The following ATP9B variants were observed in gnomAD, a reference collection of about 807,000 sequenced individuals.
The protein encoded by ATP9B is probable phospholipid-transporting ATPase IIB.
Under a neutral mutation model 146.1 loss-of-function variants are expected in ATP9B, and 110 were observed. The ratio of observed to expected loss-of-function variants is 0.75; its 90% CI spans 0.65 to 0.88. The LOEUF (loss-of-function observed/expected upper bound fraction) is 0.88. ATP9B is among the 40% of genes least tolerant of loss of function. The pLI is 0.00. For missense variants in ATP9B, 1,499 were observed against 1,496.4 expected, an observed-to-expected ratio of 1.00 and a Z score of -0.03; for synonymous variants, 604 against 569.7, an observed-to-expected ratio of 1.06 and a Z score of -0.86.
chr18:79,339,446 G>C (rs957155768), intron 19 of ATP9B, among the ~76,000 whole-genome samples: 1 of 151,716 alleles, frequency 6.6e-6, no homozygotes, highest in South Asian at 2.1e-4. Context: ...CATCGCAGTA[G>C]GAAGTATGTC....
At chr18:79,302,913 C>T (rs773846346) in intron 13 of ATP9B, among the ~76,000 whole-genome samples, 7 of 152,086 alleles carry the variant, frequency 4.6e-5, no homozygotes, top group Non-Finnish European at 1.0e-4. Context: ...TGATGTCTTT[C>T]TCAGGCAGTG....
intron 9 of ATP9B, among the ~76,000 whole-genome samples, chr18:79,203,148 G>T (rs2095503512): frequency 6.6e-6 from 1 of 152,224 alleles, no homozygotes; most frequent in Non-Finnish European, 1.5e-5. Context: ...CCTCATACAG[G>T]TGGAAGGCTT....
chr18:79,174,899 C>T (rs2095137722), intron 7 of ATP9B, among the ~76,000 whole-genome samples: 1 of 152,026 alleles, frequency 6.6e-6, no homozygotes, highest in Non-Finnish European at 1.5e-5. Flanking sequence ...CTGATCTTCC[C>T]AGTGTAAAGT....
intron 7 of ATP9B, among the ~76,000 whole-genome samples, chr18:79,156,664 A>T (rs1454589099): frequency 6.6e-6 from 1 of 152,138 alleles, no homozygotes; most frequent in Non-Finnish European, 1.5e-5. Flanking sequence ...CTTCTTACTA[A>T]TTCTCTTTGC....
At chr18:79,347,041 C>T (rs1055428289) in intron 23 of ATP9B, among the ~76,000 whole-genome samples, 3 of 152,228 alleles carry the variant, frequency 2.0e-5, no homozygotes, top group African/African-American at 4.8e-5. Context: ...GGGCTCAGCT[C>T]AGATGTTAGC....
intron 1 of ATP9B, among the ~76,000 whole-genome samples, chr18:79,089,472 C>T (rs929677265): frequency 8.5e-5 from 13 of 152,138 alleles, no homozygotes; most frequent in Non-Finnish European, 1.8e-4. Context: ...TTGTGGCTCT[C>T]TTCAAGGTCT....
At chr18:79,170,436 C>G (rs1183762866) in intron 7 of ATP9B, among the ~76,000 whole-genome samples, 1 of 152,132 alleles carries the variant, frequency 6.6e-6, no homozygotes, top group African/African-American at 2.4e-5. Context: ...CAGTTACTTG[C>G]ATTATTTATC....
chr18:79,371,006 G>A (rs115957036), intron 26 of ATP9B, among the ~76,000 whole-genome samples: 376 of 152,274 alleles, frequency 2.5e-3, no homozygotes, highest in African/African-American at 8.8e-3. Context: ...AAATGTCCTT[G>A]GGAAATACGT....
chr18:79,137,073 G>A (rs2094456506), intron 5 of ATP9B, among the ~76,000 whole-genome samples: 1 of 152,182 alleles, frequency 6.6e-6, no homozygotes, highest in African/African-American at 2.4e-5. Flanking sequence ...TGGAGACACA[G>A]CCAAACCATA....
intron 15 of ATP9B, among the ~76,000 whole-genome samples, chr18:79,321,175 A>G (rs1429904477): frequency 6.6e-6 from 1 of 152,246 alleles, no homozygotes; most frequent in Non-Finnish European, 1.5e-5. Flanking sequence ...AGAGCTGCAG[A>G]GCATGAATTA....
intron 8 of ATP9B, among the ~76,000 whole-genome samples, chr18:79,189,973 G>A (rs549858617): frequency 3.3e-5 from 5 of 152,344 alleles, no homozygotes; most frequent in African/African-American, 7.2e-5. Context: ...GTCCTGGAGC[G>A]GAGACGGCTC....
chr18:79,225,449 T>TAC (rs1413983825), intron 11 of ATP9B, among the ~76,000 whole-genome samples: 1 of 152,252 alleles, frequency 6.6e-6, no homozygotes, highest in East Asian at 1.9e-4. Context: ...TAAACTGCAG[T>TAC]AATCAACATT....
chr18:79,145,122 C>T (rs1484905553), intron 6 of ATP9B: 3 of 145,900 alleles, frequency 2.1e-5, no homozygotes, highest in Non-Finnish European at 4.2e-5. Context: ...AGCTGCATGT[C>T]GGGGGAGCCG....
chr18:79,330,216 G>A, intron 17 of ATP9B, 112 bp downstream of exon 17: 1 of 977,202 alleles, frequency 1.0e-6, no homozygotes, highest in Non-Finnish European at 1.6e-6. Context: ...TAGATGACAG[G>A]AAAAGGATAT....
At chr18:79,107,392 A>C (rs917294603) in intron 2 of ATP9B, among the ~76,000 whole-genome samples, 1 of 152,150 alleles carries the variant, frequency 6.6e-6, no homozygotes, top group African/African-American at 2.4e-5. Flanking sequence ...CATGGGGCCG[A>C]TGGATGCTCA....
At chr18:79,212,859 C>T (rs1341116533) in intron 10 of ATP9B, among the ~76,000 whole-genome samples, 1 of 152,170 alleles carries the variant, frequency 6.6e-6, no homozygotes, top group Non-Finnish European at 1.5e-5. Flanking sequence ...TGAAGCCTCA[C>T]ACTTCTCAGT....
intron 15 of ATP9B, among the ~76,000 whole-genome samples, chr18:79,327,811 G>A (rs371041987): frequency 1.6e-5 from 2 of 127,200 alleles, no homozygotes; most frequent in African/African-American, 6.1e-5. Context: ...CGTGGTTAGC[G>A]TGTTCTCCGT....
chr18:79,113,420 G>A, intron 4 of ATP9B, 66 bp downstream of exon 4: 1 of 1,039,654 alleles, frequency 9.6e-7, no homozygotes, highest in Non-Finnish European at 1.4e-6. Context: ...TAAGAGTTGA[G>A]ATGGTTAAAA....
chr18:79,231,427 A>G (rs556552429), intron 11 of ATP9B, among the ~76,000 whole-genome samples: 1 of 152,230 alleles, frequency 6.6e-6, no homozygotes, highest in African/African-American at 2.4e-5. Context: ...GGGAAATGCA[A>G]ATCAAAACCA....
Sources: gnomAD v4.1 joint callset for allele counts (sites outside exome capture counted in the v4.1 genomes callset) on GRCh38, gnomAD v4.1.1 for gene constraint, MANE v1.5 for transcripts, NCBI Gene and HGNC (gene_info 2026-07-23, HGNC 2026-07-21) for gene names.